UNK: variants seen among roughly 807,000 people sequenced by gnomAD.
The protein encoded by UNK is unk zinc finger, also known as RING finger protein unkempt homolog.
In UNK, 32 loss-of-function variants were observed where a neutral mutation model predicts 97.6. That is an observed-to-expected ratio of 0.33 (90% confidence interval 0.25 to 0.44). UNK has a LOEUF of 0.44. Among genes scored for constraint, UNK ranks in the 20% least tolerant of loss-of-function variants. UNK has a pLI of 1.00. For synonymous variants in UNK, 441 were observed against 461.2 expected, an observed-to-expected ratio of 0.96 and a Z score of 0.56; for missense variants, 771 against 1,098.4, an observed-to-expected ratio of 0.70 and a Z score of 4.21.
rs191993484 is a variant in UNK, at chr17:75,814,417, G to A, written c.876+539G>A. 4.0e-5 allele frequency among the ~76,000 whole-genome samples: 6 copies of A among 150,972 alleles called. No individual in the cohort carries two copies. The East Asian group carries it at 7.8e-4, about 20-fold the overall frequency. On this transcript the variant is annotated intron_variant, in intron 6 of 15. Transcript: ENST00000589666. ...TGAGGTGGGAGGATCGCTTGAACCC[G>A]GGAGGCGGAAGTTGCAGTGAGCCAA...
chr17:75,810,429 C>T (rs2061958311), intron 2 of UNK, among the ~76,000 whole-genome samples: 1 of 148,546 alleles, frequency 6.7e-6, no homozygotes, highest in South Asian at 2.1e-4. Context: ...TAATGACAGA[C>T]ATAGGGAGGT....
intron 1 of UNK, among the ~76,000 whole-genome samples, chr17:75,794,578 C>T (rs994390463): frequency 1.3e-5 from 2 of 150,762 alleles, no homozygotes; most frequent in African/African-American, 2.5e-5. Flanking sequence ...GCGCAGGTTG[C>T]GGTGAGCCGA....
chr17:75,800,139 G>A (rs1196045758), intron 1 of UNK, among the ~76,000 whole-genome samples: 1 of 152,054 alleles, frequency 6.6e-6, no homozygotes, highest in African/African-American at 2.4e-5. Flanking sequence ...CACAATCTTG[G>A]CTCACTGCAG....
chr17:75,808,937 TACAC>T (rs2061942888), intron 1 of UNK: 1 of 152,106 alleles, frequency 6.6e-6, no homozygotes, highest in Non-Finnish European at 1.5e-5. Flanking sequence ...TCTTGGCTGT[TACAC>T]ATGCAGGGCA....
chr17:75,819,797 G>T lies in UNK; in HGVS notation c.1648+12G>T. On this transcript the variant is annotated intron_variant, in intron 12 of 15. Transcript: ENST00000589666. The surrounding 1 kb of genome is among the most constrained non-coding windows in gnomAD (Gnocchi z 5.4). ...AAGCATCACCATCGGTACTGGGTGTGGGTGGGCAGGGCAGCCTGGAGGACT... is the reference window on the plus strand; with the variant it reads ...AAGCATCACCATCGGTACTGGGTGTTGGTGGGCAGGGCAGCCTGGAGGACT... The T allele has an allele frequency of 6.2e-7, 1 of 1,613,634 alleles. No individual in the cohort carries two copies. Among genetic ancestry groups the T allele is most frequent in the Non-Finnish European group, 8.5e-7 (1 of 1,179,826 alleles).
intron 1 of UNK, among the ~76,000 whole-genome samples, chr17:75,786,053 G>GT (rs1239410871): frequency 3.9e-5 from 6 of 152,208 alleles, no homozygotes; most frequent in African/African-American, 1.4e-4. Context: ...TTGGGAAACT[G>GT]TTCTGGGGTT....
intron 1 of UNK, among the ~76,000 whole-genome samples, chr17:75,806,331 C>T (rs561741796): frequency 1.3e-5 from 2 of 151,812 alleles, no homozygotes; most frequent in South Asian, 4.1e-4. Context: ...TGGTAGCATG[C>T]ACCTGTAGTC....
chr17:75,791,868 C>G, intron 1 of UNK: 2 of 985,394 alleles, frequency 2.0e-6, no homozygotes, highest in Non-Finnish European at 2.4e-6. Flanking sequence ...GGCAGCTGGA[C>G]AACTCTGAGA....
chr17:75,803,415 T>G (rs1281250047), intron 1 of UNK, among the ~76,000 whole-genome samples: 1 of 152,048 alleles, frequency 6.6e-6, no homozygotes, highest in African/African-American at 2.4e-5. Context: ...GAAGGCCGAT[T>G]TCATGTGGTT....
In UNK at chr17:75,823,757, G is replaced by A. The variant is rs78917195; in HGVS notation, c.2277+235G>A. Among the ~76,000 whole-genome samples the A allele has an allele frequency of 8.5e-5, 13 of 152,256 alleles. No individual in the cohort carries two copies. In the East Asian group the frequency reaches 9.7e-4, roughly 11 times the overall value. ...TGCCACCCCCAGCACCCCTGAGGGC[G>A]GCCCTGACCAAGCTTCTCACAAATG... On this transcript the variant is annotated intron_variant, in intron 15 of 15. Coordinates refer to ENST00000589666, the MANE Select transcript of UNK (RefSeq NM_001080419.3).
intron 1 of UNK, among the ~76,000 whole-genome samples, chr17:75,786,692 C>T (rs1226649953): frequency 6.6e-6 from 1 of 152,108 alleles, no homozygotes; most frequent in Non-Finnish European, 1.5e-5. Context: ...CCCGTCTCTA[C>T]TAAAAATACA....
intron 1 of UNK, among the ~76,000 whole-genome samples, chr17:75,808,201 A>G (rs560873401): frequency 3.5e-4 from 54 of 152,288 alleles, no homozygotes; most frequent in African/African-American, 1.3e-3. Flanking sequence ...TGGGTATCCC[A>G]GCTCAGTGCC....
At chr17:75,812,316 G>A in intron 3 of UNK, 28 bp downstream of exon 3, 1 of 1,597,378 alleles carries the variant, frequency 6.3e-7, no homozygotes, top group Non-Finnish European at 8.6e-7. Context: ...CTGGGCTGAT[G>A]GCAGTAGGCT....
At chr17:75,809,403 A>G (rs746235234) in intron 1 of UNK, among the ~76,000 whole-genome samples, 36 of 152,334 alleles carry the variant, frequency 2.4e-4, no homozygotes, top group Non-Finnish European at 4.6e-4. Flanking sequence ...GAGGCGCCTC[A>G]TGCTCTTATT....
rs755552056 is a variant in UNK, at chr17:75,823,409, G to A, written c.2164G>A (p.Ala722Thr). The change falls in exon 15 of 16, where the codon GCG becomes ACG. Residue 722 changes from alanine (A) to threonine (T), a missense_variant. Physicochemically the swap from Ala to Thr is moderately conservative, Grantham distance 58 (BLOSUM62 0). Coordinates refer to ENST00000589666, the MANE Select transcript of UNK (RefSeq NM_001080419.3). ...KLQEELERLH[A>T]GPEPQALPAF... ...CCAGGAGGAGCTGGAGCGGCTACAC[G>A]CGGGGCCTGAGCCCCAGGCCCTGCC... is the stretch of plus-strand genomic sequence containing the variant. 7.5e-6 allele frequency: 12 copies of A among 1,603,332 alleles called. No individual in the cohort carries two copies. Among genetic ancestry groups the A allele is most frequent in the East Asian group, 6.7e-5 (3 of 44,538 alleles).
chr17:75,818,007 C>T lies in UNK; in HGVS notation c.1306-96C>T. The T allele has an allele frequency of 1.6e-6, 2 of 1,237,086 alleles. No individual in the cohort carries two copies. Among genetic ancestry groups the T allele is most frequent in the Non-Finnish European group, 1.2e-6 (1 of 851,028 alleles). The allele number at this position is 1,237,086 out of a possible 1,614,324, so 76.6% of individuals were successfully genotyped here. A position where few individuals can be genotyped will look rare whatever the true frequency, so the allele number is the denominator to read the frequency against. On this transcript the variant is annotated intron_variant, in intron 9 of 15. Coordinates refer to ENST00000589666, the MANE Select transcript of UNK (RefSeq NM_001080419.3). The surrounding 1 kb of genome is among the most constrained non-coding windows in gnomAD (Gnocchi z 5.1). ...ATGTGAAGAGGGGTTGCATGTCTGCCACCACCTGCCCCCTGGTACCTGCAG... is the reference window on the plus strand; with the variant it reads ...ATGTGAAGAGGGGTTGCATGTCTGCTACCACCTGCCCCCTGGTACCTGCAG...
In UNK at chr17:75,818,534, A is replaced by C; in HGVS notation, c.1372-108A>C. On this transcript the variant is annotated intron_variant, in intron 10 of 15. Transcript: ENST00000589666. This position sits in a 1 kb window ranked among gnomAD's most constrained non-coding sequence, Gnocchi z 5.1. ...ATGTGGGCATGGGGGCACCCGGACT[A>C]GAGCTAGCACGGGCCATTTCCCTTG... is the stretch of plus-strand genomic sequence containing the variant. 4.8e-5 allele frequency: 62 copies of C among 1,302,864 alleles called. No individual in the cohort carries two copies. Among genetic ancestry groups the C allele is most frequent in the Non-Finnish European group, 5.7e-5 (55 of 964,818 alleles). 80.7% of individuals were successfully genotyped at this position (1,302,864 alleles called of 1,614,324 possible). A position where few individuals can be genotyped will look rare whatever the true frequency, so the allele number is the denominator to read the frequency against.
intron 1 of UNK, among the ~76,000 whole-genome samples, chr17:75,799,750 G>T (rs2061838718): frequency 6.6e-6 from 1 of 152,162 alleles, no homozygotes; most frequent in South Asian, 2.1e-4. Context: ...GGCAGGCAGG[G>T]CCAGGGAACC....
Position 75,824,254 on chromosome 17 carries a change from C to T in UNK, c.2278-8C>T, listed in dbSNP as rs758474617. 7.8e-5 allele frequency: 123 copies of T among 1,584,044 alleles called. No homozygotes were observed. The highest frequency in any genetic ancestry group is 3.2e-4 in the Admixed American group (18 of 57,140). On this transcript the variant is annotated splice_region_variant and splice_polypyrimidine_tract_variant and intron_variant, in intron 15 of 15. Transcript: ENST00000589666. The surrounding 1 kb of genome is among the most constrained non-coding windows in gnomAD (Gnocchi z 4.9). Reference sequence around the variant, plus strand: ...TGGATGGTGACCACGATGCCCCTTTCCCTGCAGGCCGTGTTCCACATGCAG... The same window carrying T: ...TGGATGGTGACCACGATGCCCCTTTTCCTGCAGGCCGTGTTCCACATGCAG...
Sources: allele counts gnomAD v4.1 joint callset (sites outside exome capture counted in the v4.1 genomes callset), GRCh38; gene constraint gnomAD v4.1.1; non-coding constraint Gnocchi (gnomAD v3.1); transcripts MANE v1.5; gene names NCBI Gene and HGNC (gene_info 2026-07-23, HGNC 2026-07-21).